The following DMD variants were observed in gnomAD, a reference collection of about 807,000 sequenced individuals.
DMD encodes mutant dystrophin.
In DMD, 63 loss-of-function variants were observed where a neutral mutation model predicts 330.1. That is an observed-to-expected ratio of 0.19 (90% confidence interval 0.16 to 0.24). The LOEUF is 0.24. Ranked by LOEUF, DMD falls within the 10% of genes least tolerant of loss-of-function variation. DMD has a pLI of 1.00. For missense variants in DMD, 3,344 were observed against 2,684.1 expected (o/e 1.25, Z -5.43); for synonymous variants, 1,223 against 959.8 (o/e 1.27, Z -5.07).
chrX:32,468,663 G>C lies in DMD; in HGVS notation c.2997C>G (p.Leu999=). The change falls in exon 23 of 79, where the codon CTC becomes CTG. Residue 999 remains leucine, a synonymous_variant. Transcript: ENST00000357033. ...TCGACATCTCTTTCACAGTGGTGCT[G>C]AGATAGTATAGGCCACTTTGTTGCT... The part of the protein sequence containing the change: ...LQEQQSGLYY[L]STTVKEMSKK... 8.3e-7 allele frequency: 1 copy of C among 1,211,328 alleles called. No homozygotes were observed. The highest frequency in any genetic ancestry group is 1.8e-5 in the South Asian group (1 of 56,994).
rs1198993628 is a variant in DMD, at chrX:31,680,802, A to C, written c.7661-1216T>G. ...GGTACTATATAGATTCTACTCTGAA[A>C]TATGTTCTTTTCAAATATTAAAATA... On this transcript the variant is annotated intron_variant, in intron 52 of 78. Coordinates refer to ENST00000357033, the MANE Select transcript of DMD (RefSeq NM_004006.3). Among the ~76,000 whole-genome samples, 3 of 112,169 alleles carry C rather than the reference A, an allele frequency of 2.7e-5. No homozygotes were observed. The East Asian group carries it at 8.4e-4, about 31-fold the overall frequency.
intron 1 of DMD, among the ~76,000 whole-genome samples, chrX:33,029,681 A>T (rs2094072268): frequency 8.9e-6 from 1 of 112,447 alleles, no homozygotes; most frequent in African/African-American, 3.2e-5. Context: ...TATTCATAAA[A>T]ATTGCAATGC....
At chrX:32,331,357 A>C (rs967445386) in intron 41 of DMD, among the ~76,000 whole-genome samples, 13 of 111,732 alleles carry the variant, frequency 1.2e-4, no homozygotes, top group Non-Finnish European at 2.1e-4. Flanking sequence ...TAGTGAACCA[A>C]GTTTCCTCAT....
chrX:32,815,661 GTTA>G (rs1352650635), intron 6 of DMD, among the ~76,000 whole-genome samples: 1 of 107,909 alleles, frequency 9.3e-6, no homozygotes, highest in African/African-American at 3.4e-5. Flanking sequence ...TTCTTGAACT[GTTA>G]TTAATTCATT....
intron 18 of DMD, among the ~76,000 whole-genome samples, chrX:32,503,608 T>G (rs898081030): frequency 2.7e-5 from 3 of 111,387 alleles, no homozygotes; most frequent in Non-Finnish European, 1.9e-5. Flanking sequence ...CAGGCTGGAG[T>G]GCAGTGGCAT....
intron 34 of DMD, among the ~76,000 whole-genome samples, chrX:32,370,934 G>C (rs2097874183): frequency 9.0e-6 from 1 of 111,115 alleles, no homozygotes; most frequent in Admixed American, 9.7e-5. Flanking sequence ...CGCGGATCTT[G>C]TATCACATTA....
chrX:32,290,313 T>C (rs1167187675), intron 42 of DMD, among the ~76,000 whole-genome samples: 1 of 112,237 alleles, frequency 8.9e-6, no homozygotes, highest in African/African-American at 3.2e-5. Flanking sequence ...TAGTACTTAT[T>C]ACTAACATTA....
intron 63 of DMD, among the ~76,000 whole-genome samples, chrX:31,236,429 C>A (rs776021475): frequency 9.8e-5 from 11 of 112,510 alleles, no homozygotes; most frequent in Non-Finnish European, 1.9e-4. Flanking sequence ...ATCCTCCTTG[C>A]GGTGGAGAAA....
chrX:32,304,875 C>T (rs754139043), intron 42 of DMD, among the ~76,000 whole-genome samples: 5 of 111,333 alleles, frequency 4.5e-5, no homozygotes, highest in African/African-American at 9.7e-5. Context: ...ATCTTTTCCA[C>T]GCATTAAACT....
chrX:32,870,952 G>A (rs2082905439), intron 2 of DMD, among the ~76,000 whole-genome samples: 1 of 30,836 alleles, frequency 3.2e-5, no homozygotes, highest in South Asian at 2.8e-3. Flanking sequence ...AAAGGCTTCT[G>A]TACAGCAAAA....
chrX:32,807,122 T>TTAA (rs1345640031), intron 7 of DMD, among the ~76,000 whole-genome samples: 6 of 20,744 alleles, frequency 2.9e-4, no homozygotes, highest in East Asian at 1.6e-3. Flanking sequence ...CGGAAACATT[T>TTAA]AAAAAAAAAA....
chrX:32,722,285 A>C (rs1341397592), intron 7 of DMD, among the ~76,000 whole-genome samples: 2 of 110,952 alleles, frequency 1.8e-5, no homozygotes, highest in Non-Finnish European at 1.9e-5. Context: ...AGAACAAAAA[A>C]CTCAATACAA....
intron 43 of DMD, among the ~76,000 whole-genome samples, chrX:32,279,232 C>T (rs1175640668): frequency 1.8e-5 from 2 of 111,503 alleles, no homozygotes; most frequent in African/African-American, 6.5e-5. Context: ...ATTAGTACAA[C>T]CAAAATGGAG....
chrX:33,070,667 CTCTCTCTATATATATATATA>C (rs1181091478), intron 1 of DMD, among the ~76,000 whole-genome samples: 4 of 46,132 alleles, frequency 8.7e-5, no homozygotes, highest in African/African-American at 3.7e-4. Context: ...CTCTCTCTCT[CTCTCTCTATATATATATATA>C]TATATATATA....
chrX:32,915,904 C>T (rs2087754672), intron 2 of DMD, among the ~76,000 whole-genome samples: 1 of 111,280 alleles, frequency 9.0e-6, no homozygotes, highest in African/African-American at 3.3e-5. Flanking sequence ...TTCTTTTCAA[C>T]CTCTTTTGAC....
intron 60 of DMD, among the ~76,000 whole-genome samples, chrX:31,368,954 C>G (rs193297897): frequency 9.0e-6 from 1 of 111,633 alleles, no homozygotes; most frequent in East Asian, 2.8e-4. Flanking sequence ...CCCGAGGTCC[C>G]TTCTTGATTC....
intron 2 of DMD, among the ~76,000 whole-genome samples, chrX:32,863,955 A>G (rs1433434969): frequency 1.8e-5 from 2 of 112,154 alleles, no homozygotes; most frequent in Non-Finnish European, 3.8e-5. Flanking sequence ...GAAACACAGA[A>G]AAGATAAATG....
chrX:32,800,274 C>T (rs183757354), intron 7 of DMD, among the ~76,000 whole-genome samples: 81 of 111,910 alleles, frequency 7.2e-4, no homozygotes, highest in African/African-American at 2.2e-3. Flanking sequence ...GCATGAATCA[C>T]GAATTTTGCT....
At chrX:31,668,330 A>G (rs952401341) in intron 53 of DMD, among the ~76,000 whole-genome samples, 2 of 111,323 alleles carry the variant, frequency 1.8e-5, no homozygotes, top group African/African-American at 6.5e-5. Context: ...CTAAGAAAAC[A>G]CTGCATAATC....
Sources: gnomAD v4.1 joint callset for allele counts (sites outside exome capture counted in the v4.1 genomes callset) on GRCh38, gnomAD v4.1.1 for gene constraint, MANE v1.5 for transcripts, NCBI Gene and HGNC (gene_info 2026-07-23, HGNC 2026-07-21) for gene names.